Variants in CDH12 observed in about 807,000 individuals in gnomAD.
CDH12 encodes the protein cadherin 12.
In CDH12, 41 loss-of-function variants were observed where a neutral mutation model predicts 74.1. The ratio of observed to expected loss-of-function variants is 0.55; its 90% confidence interval spans 0.43 to 0.72. The LOEUF (loss-of-function observed/expected upper bound fraction) is 0.72. CDH12 is among the 30% of genes least tolerant of loss of function. The pLI is 0.00. For missense variants in CDH12, 945 were observed against 977.2 expected (o/e 0.97, Z 0.44); for synonymous variants, 399 against 355.0 (o/e 1.12, Z -1.39).
intron 4 of CDH12, among the ~76,000 whole-genome samples, chr5:22,171,076 G>A (rs1748995979): frequency 6.6e-6 from 1 of 151,838 alleles, no homozygotes. Context: ...TATTTGGAAA[G>A]AAACAATCCA....
intron 1 of CDH12, among the ~76,000 whole-genome samples, chr5:22,667,882 C>G (rs1404534067): frequency 6.6e-6 from 1 of 152,052 alleles, no homozygotes; most frequent in East Asian, 1.9e-4. Context: ...TTAAATGTAC[C>G]TTTAGGTCGT....
At chr5:22,052,300 T>C (rs1432553620) in intron 5 of CDH12, among the ~76,000 whole-genome samples, 1 of 152,186 alleles carries the variant, frequency 6.6e-6, no homozygotes, top group African/African-American at 2.4e-5. Flanking sequence ...TGCTGTTTTA[T>C]TTTACAATTT....
chr5:22,572,757 AT>A (rs1447875915), intron 1 of CDH12, among the ~76,000 whole-genome samples: 1 of 152,166 alleles, frequency 6.6e-6, no homozygotes, highest in Non-Finnish European at 1.5e-5. Flanking sequence ...TACCTCACTT[AT>A]TCTGAAAGAA....
At chr5:22,725,729 A>G (rs1387114079) in intron 1 of CDH12, among the ~76,000 whole-genome samples, 4 of 151,682 alleles carry the variant, frequency 2.6e-5, no homozygotes, top group Non-Finnish European at 5.9e-5. Context: ...TTTTTTAGGG[A>G]CAAAAACATT....
chr5:22,768,937 C>T (rs534181100), intron 1 of CDH12, among the ~76,000 whole-genome samples: 1 of 152,226 alleles, frequency 6.6e-6, no homozygotes, highest in South Asian at 2.1e-4. Context: ...TTTAAAATTA[C>T]AATATTTGAA....
intron 6 of CDH12, among the ~76,000 whole-genome samples, chr5:21,870,846 C>T (rs1391387442): frequency 2.0e-5 from 3 of 152,188 alleles, no homozygotes; most frequent in Non-Finnish European, 4.4e-5. Flanking sequence ...ATTCTCCCAC[C>T]TCAGGCTCCC....
intron 1 of CDH12, among the ~76,000 whole-genome samples, chr5:22,596,253 C>T (rs1310846693): frequency 6.6e-6 from 1 of 151,876 alleles, no homozygotes; most frequent in African/African-American, 2.4e-5. Context: ...GCCTGGCCAA[C>T]ATGAGGAAAC....
chr5:22,090,795 AC>A (rs1743370998), intron 4 of CDH12, among the ~76,000 whole-genome samples: 1 of 152,070 alleles, frequency 6.6e-6, no homozygotes, highest in East Asian at 1.9e-4. Context: ...TTAATGTAAT[AC>A]CCATGTCAAT....
chr5:21,984,326 C>T (rs1757427458), intron 5 of CDH12, among the ~76,000 whole-genome samples: 1 of 152,160 alleles, frequency 6.6e-6, no homozygotes, highest in African/African-American at 2.4e-5. Flanking sequence ...TTATTGTTTA[C>T]ATTCTGGTCA....
At chr5:22,390,459 T>G (rs1041184357) in intron 3 of CDH12, among the ~76,000 whole-genome samples, 1 of 152,046 alleles carries the variant, frequency 6.6e-6, no homozygotes. Context: ...TATCTATACA[T>G]ATATACATAT....
intron 1 of CDH12, among the ~76,000 whole-genome samples, chr5:22,852,204 C>G (rs924630264): frequency 6.6e-6 from 1 of 152,098 alleles, no homozygotes; most frequent in Admixed American, 6.5e-5. Flanking sequence ...AGTTCCCTCT[C>G]CAGAGAGTAC....
At chr5:22,284,483 G>A (rs977001153) in intron 3 of CDH12, among the ~76,000 whole-genome samples, 24 of 152,128 alleles carry the variant, frequency 1.6e-4, no homozygotes, top group African/African-American at 5.1e-4. Flanking sequence ...CTGGTGCAAG[G>A]GTACCAGTTT....
intron 3 of CDH12, among the ~76,000 whole-genome samples, chr5:22,389,804 C>T (rs2968283): frequency 0.043 from 6,538 of 151,388 alleles, 313 homozygotes; most frequent in East Asian, 0.12. Flanking sequence ...CCCACCACCA[C>T]GCCCGGCTAA....
At chr5:22,042,034 C>A (rs1236691972) in intron 5 of CDH12, among the ~76,000 whole-genome samples, 1 of 151,938 alleles carries the variant, frequency 6.6e-6, no homozygotes, top group Non-Finnish European at 1.5e-5. Context: ...CACAGAAAAT[C>A]AACAACATAC....
intron 4 of CDH12, among the ~76,000 whole-genome samples, chr5:22,187,263 C>T (rs1157645770): frequency 6.6e-6 from 1 of 152,104 alleles, no homozygotes; most frequent in African/African-American, 2.4e-5. Flanking sequence ...AGACACTTAT[C>T]ATCTTAAATC....
At chr5:21,777,429 A>G (rs552397548) in intron 11 of CDH12, among the ~76,000 whole-genome samples, 2 of 152,256 alleles carry the variant, frequency 1.3e-5, no homozygotes, top group East Asian at 3.9e-4. Context: ...TTTCACTTCA[A>G]CTATATGTAC....
chr5:22,691,615 C>T (rs897753563), intron 1 of CDH12, among the ~76,000 whole-genome samples: 3 of 152,160 alleles, frequency 2.0e-5, no homozygotes, highest in Non-Finnish European at 1.5e-5. Context: ...AGGCATCAGG[C>T]TTTAAACCTT....
intron 2 of CDH12, among the ~76,000 whole-genome samples, chr5:22,489,323 C>T (rs1340535713): frequency 1.3e-5 from 2 of 151,930 alleles, no homozygotes; most frequent in East Asian, 3.9e-4. Flanking sequence ...TCCCAAAGTG[C>T]TGGGATTACA....
At chr5:22,392,449 C>T (rs1742286226) in intron 3 of CDH12, among the ~76,000 whole-genome samples, 1 of 152,194 alleles carries the variant, frequency 6.6e-6, no homozygotes, top group Non-Finnish European at 1.5e-5. Context: ...CAAATACTCA[C>T]CCTGCCTCAA....
Sources: allele counts gnomAD v4.1 joint callset (sites outside exome capture counted in the v4.1 genomes callset), GRCh38; gene constraint gnomAD v4.1.1; transcripts MANE v1.5; gene names NCBI Gene and HGNC (gene_info 2026-07-23, HGNC 2026-07-21).